The following CLUH variants were observed in gnomAD, a reference collection of about 807,000 sequenced individuals.
The protein encoded by CLUH is CLUH binding protein of NUMT mRNA.
In CLUH, 77 loss-of-function variants were observed where a neutral mutation model predicts 139.3. The observed-to-expected ratio is 0.55, with a 90% CI of 0.46 to 0.67. The LOEUF (loss-of-function observed/expected upper bound fraction) is 0.67, where lower values mean the gene tolerates loss of function less well. Among genes scored for constraint, CLUH ranks in the 30% least tolerant of loss-of-function variants. CLUH has a pLI of 0.00. For synonymous variants in CLUH, 999 were observed against 801.6 expected, an observed-to-expected ratio of 1.25 and a Z score of -4.16; for missense variants, 1,876 against 1,875.8, an observed-to-expected ratio of 1.00 and a Z score of 0.00.
chr17:2,699,780 C>T (rs1200856620), intron 9 of CLUH, among the ~76,000 whole-genome samples: 3 of 152,098 alleles, frequency 2.0e-5, no homozygotes, highest in East Asian at 3.9e-4. Context: ...TACAGGCATG[C>T]GCCACCACAC....
chr17:2,695,700 CCAAG>C (rs1230745609), intron 13 of CLUH, 174 bp from the exon 14 acceptor site: 1 of 861,930 alleles, frequency 1.2e-6, no homozygotes, highest in Non-Finnish European at 1.7e-6. Flanking sequence ...AGGCCAAGAA[CCAAG>C]AGCCCGGTGG....
rs1276581344 is a variant in CLUH at position 2,704,990 on chromosome 17, T to C, written c.101-426A>G. 6.6e-6 allele frequency among the ~76,000 whole-genome samples: 1 copy of C among 152,138 alleles called. No individual in the cohort carries two copies. Among genetic ancestry groups the C allele is most frequent in the African/African-American group, 2.4e-5 (1 of 41,432 alleles). On this transcript the variant is annotated intron_variant, in intron 1 of 25. Coordinates refer to ENST00000651024, the MANE Select transcript of CLUH (RefSeq NM_001366661.1). The surrounding 1 kb of genome is among the most constrained non-coding windows in gnomAD (Gnocchi z 5.7). ...TTCCATCCCTCCTGAGCTGTGGTCCTGGGCTGCAGGGGGGCTGCAGGGGAG... is the reference window on the plus strand; with the variant it reads ...TTCCATCCCTCCTGAGCTGTGGTCCCGGGCTGCAGGGGGGCTGCAGGGGAG...
In CLUH at chr17:2,704,095, A is replaced by G. The variant is rs1248387378; in HGVS notation, c.303+267T>C. ...AGAGGCTGGGGAGTCCTGGGATGCC[A>G]ACACTTCCCAGCCACTATCACTCCC... is the stretch of plus-strand genomic sequence containing the variant. On this transcript the variant is annotated intron_variant, in intron 2 of 25. Transcript: ENST00000651024. This position sits in a 1 kb window ranked among gnomAD's most constrained non-coding sequence, Gnocchi z 5.7. 6.6e-6 allele frequency among the ~76,000 whole-genome samples: 1 copy of G among 152,070 alleles called. No homozygotes were observed. The highest frequency in any genetic ancestry group is 1.5e-5 in the Non-Finnish European group (1 of 67,988).
At position 2,704,000 on chromosome 17, in the gene CLUH, C is replaced by T. The variant is rs931236336; in HGVS notation, c.303+362G>A. ...CTCTGCCCTTGGAGATAACCCAATA[C>T]TACCCTCCCCTCTGGCAGATGGTAA... On this transcript the variant is annotated intron_variant, in intron 2 of 25. Coordinates refer to ENST00000651024, the MANE Select transcript of CLUH (RefSeq NM_001366661.1). The surrounding 1 kb of genome is among the most constrained non-coding windows in gnomAD (Gnocchi z 4.2). Among the ~76,000 whole-genome samples, 2 of 152,310 alleles carry T rather than the reference C, an allele frequency of 1.3e-5. No homozygotes were observed. Among genetic ancestry groups the T allele is most frequent in the East Asian group, 3.9e-4 (2 of 5,182 alleles).
intron 1 of CLUH, among the ~76,000 whole-genome samples, chr17:2,709,281 A>ACCCGT (rs1158265895): frequency 2.0e-5 from 3 of 152,144 alleles, no homozygotes; most frequent in African/African-American, 4.8e-5. Context: ...AAGGTGCATC[A>ACCCGT]CCCGTCCCGG....
chr17:2,700,157 C>G (rs2070121502), intron 9 of CLUH, among the ~76,000 whole-genome samples: 1 of 152,236 alleles, frequency 6.6e-6, no homozygotes, highest in Non-Finnish European at 1.5e-5. Flanking sequence ...AGGGCCCGCT[C>G]CTTCCAGGGA....
rs1419055661 is a variant in CLUH, at chr17:2,692,444, G to A, written c.3477C>T (p.Tyr1159=). The change falls in exon 22 of 26, where the codon TAC becomes TAT. Residue 1159 remains tyrosine, a synonymous_variant. Transcript: ENST00000651024. The part of the protein sequence containing the change: ...IGLVLHGVME[Y]DLSLRFLENA... ...TCTCCAGGAAGCGCAGCGACAGGTC[G>A]TACTCCATCACCCCGTGCAGCACCA... The A allele has an allele frequency of 7.5e-6, 12 of 1,600,392 alleles. No individual in the cohort carries two copies. Among genetic ancestry groups the A allele is most frequent in the Admixed American group, 3.3e-5 (2 of 59,970 alleles).
At chr17:2,694,635 C>T in intron 16 of CLUH, 71 bp from the exon 17 acceptor site, 4 of 1,426,822 alleles carry the variant, frequency 2.8e-6, no homozygotes, top group Non-Finnish European at 3.8e-6. Context: ...CCACCCAGCT[C>T]CCCAACGCTG....
chr17:2,696,126 A>T (rs1673682441), intron 13 of CLUH, 33 bp downstream of exon 13: 1 of 1,507,782 alleles, frequency 6.6e-7, no homozygotes, highest in Admixed American at 2.0e-5. Flanking sequence ...CCCTCCACAC[A>T]AGCCCCACCC....
chr17:2,699,034 G>A (rs1303632094), intron 9 of CLUH, among the ~76,000 whole-genome samples: 1 of 152,058 alleles, frequency 6.6e-6, no homozygotes. Context: ...GGGACAGAGT[G>A]AGACTCCATT....
rs78299222 is a variant in CLUH, at chr17:2,708,865, G to C, written c.100+2697C>G. Among the ~76,000 whole-genome samples the C allele has an allele frequency of 1.5e-3, 120 of 77,646 alleles. 1 individual carries two copies. The Middle Eastern group carries it at 0.026, about 17-fold the overall frequency. 50.9% of individuals were successfully genotyped at this position (77,646 alleles called of 152,430 possible). On this transcript the variant is annotated intron_variant, in intron 1 of 25. Transcript: ENST00000651024. Reference sequence around the variant, plus strand: ...TCCAGGCCTCAGCCTCTACTCGGGGGGGGGGGAGCAGAACTATCCCAGTCA... The same window carrying C: ...TCCAGGCCTCAGCCTCTACTCGGGGCGGGGGGAGCAGAACTATCCCAGTCA...
Position 2,690,655 on chromosome 17 carries a change from G to A in CLUH, c.3986C>T (p.Pro1329Leu), listed in dbSNP as rs1161019212. 4.5e-6 allele frequency: 7 copies of A among 1,540,204 alleles called. No individual in the cohort carries two copies. The highest frequency in any genetic ancestry group is 6.1e-6 in the Non-Finnish European group (7 of 1,150,050). Residue 1329 changes from proline to leucine, a missense_variant, in exon 26 of 26, where the codon CCA becomes CTA. Pro to Leu is a moderately conservative substitution (Grantham distance 98). Coordinates refer to ENST00000651024, the MANE Select transcript of CLUH (RefSeq NM_001366661.1). ...CGGGGGCTGGGAGCCCAGGTCTCCT[G>A]GGGCCCCCGCTGGCGCGGGCTCGGT... ...MATEPAPAGA[P>L]GDLGSQPPAA...
chr17:2,690,176 T>C lies in CLUH; in HGVS notation c.*418A>G, dbSNP rs892107584. ...GCAGCCATCATGTCGACCATACAAA[T>C]GACCTGAGAAATCCCGTCTGCGCGT... On this transcript the variant is annotated 3_prime_UTR_variant, in exon 26 of 26. Coordinates refer to ENST00000651024, the MANE Select transcript of CLUH (RefSeq NM_001366661.1). The C allele has an allele frequency of 2.9e-5, 5 of 172,252 alleles. No individual in the cohort carries two copies. The highest frequency in any genetic ancestry group is 4.9e-5 in the Non-Finnish European group (4 of 81,868). The allele number at this position is 172,252 out of a possible 1,614,324, so 10.7% of individuals were successfully genotyped here. A position where few individuals can be genotyped will look rare whatever the true frequency, so the allele number is the denominator to read the frequency against.
intron 1 of CLUH, among the ~76,000 whole-genome samples, chr17:2,710,189 G>A (rs1597632346): frequency 6.6e-6 from 1 of 152,166 alleles, no homozygotes; most frequent in African/African-American, 2.4e-5. Context: ...AAGTCACTTC[G>A]ACTCTTCGGG....
In CLUH at chr17:2,695,259, T is replaced by C; in HGVS notation, c.2566A>G (p.Ile856Val). ...AAGATGTGCTTGGCCGAGCGGGTGATGAGTTCTCCAATGCCGATTTTCTGG... is the reference window on the plus strand; with the variant it reads ...AAGATGTGCTTGGCCGAGCGGGTGACGAGTTCTCCAATGCCGATTTTCTGG... ...HVFKIGIGEL[I>V]TRSAKHIFKT... The change falls in exon 15 of 26, where the codon ATC (isoleucine) becomes GTC (valine). Residue 856 changes from isoleucine to valine, a missense_variant. By Grantham distance (29) the Ile-to-Val change is conservative. Coordinates refer to ENST00000651024, the MANE Select transcript of CLUH (RefSeq NM_001366661.1). 3 of 1,613,260 alleles carry C rather than the reference T, an allele frequency of 1.9e-6. No homozygotes were observed. The highest frequency in any genetic ancestry group is 2.5e-6 in the Non-Finnish European group (3 of 1,179,316).
chr17:2,694,288 C>T lies in CLUH; in HGVS notation c.2938-12G>A, dbSNP rs115326538. 3.1e-3 allele frequency: 4,942 copies of T among 1,569,636 alleles called. 75 individuals are homozygous for T. The African/African-American group carries it at 0.038, about 12-fold the overall frequency. On this transcript the variant is annotated splice_polypyrimidine_tract_variant and intron_variant, in intron 17 of 25. Coordinates refer to ENST00000651024, the MANE Select transcript of CLUH (RefSeq NM_001366661.1). ...TCCTTCAGCAGGACCTGGGGGGCAG[C>T]CCCCCCACCACAGGAAGCCTCAGGC... is the stretch of plus-strand genomic sequence containing the variant.
Position 2,704,419 on chromosome 17 carries a change from C to G in CLUH, c.246G>C (p.Gln82His), listed in dbSNP as rs760307515. Residue 82 changes from glutamine to histidine, a missense_variant, in exon 2 of 26, where the codon CAG (glutamine) becomes CAC (histidine). By Grantham distance (24) the Gln-to-His change is conservative. Around this residue, in one of 3 missense-constraint regions of CLUH, gnomAD observed 152 missense variants for 136.7 expected, o/e 1.11. Transcript: ENST00000651024. The surrounding 1 kb of genome is among the most constrained non-coding windows in gnomAD (Gnocchi z 5.7). ...GGATCTTCACAGAAAAGCCCGTGTCCTGAATGACAATGACTTCCTGGCCGG... is the reference window on the plus strand; with the variant it reads ...GGATCTTCACAGAAAAGCCCGTGTCGTGAATGACAATGACTTCCTGGCCGG... Reference protein sequence around the residue: ...ETTGQEVIVIQDTGFSVKILA... With the variant: ...ETTGQEVIVIHDTGFSVKILA... 1 of 1,611,050 alleles carries G rather than the reference C, an allele frequency of 6.2e-7. No homozygotes were observed. Among genetic ancestry groups the G allele is most frequent in the East Asian group, 2.2e-5 (1 of 44,690 alleles).
chr17:2,695,558 A>G, intron 13 of CLUH, 32 bp from the exon 14 acceptor site: 5 of 1,553,808 alleles, frequency 3.2e-6, no homozygotes, highest in Non-Finnish European at 4.3e-6. Context: ...GCCCCCACCC[A>G]GCTCCTCTGC....
chr17:2,691,997 C>CCCCCGCCCCCGCCCCCGCT lies in CLUH; in HGVS notation c.3654+6_3654+7insAGCGGGGGCGGGGGCGGGG. ...GCCCCCGCCCCCGCCACGCCCCCGC[C>CCCCCGCCCCCGCCCCCGCT]GCGCACCTGCGTCTTGTAGATGGTG... is the stretch of plus-strand genomic sequence containing the variant. On this transcript the variant is annotated splice_region_variant and intron_variant, in intron 23 of 25. Transcript: ENST00000651024. 7.5e-7 allele frequency: 1 copy of CCCCCGCCCCCGCCCCCGCT among 1,329,188 alleles called. No homozygotes were observed. Among genetic ancestry groups the CCCCCGCCCCCGCCCCCGCT allele is most frequent in the Non-Finnish European group, 9.9e-7 (1 of 1,007,928 alleles). 82.3% of individuals were successfully genotyped at this position (1,329,188 alleles called of 1,614,324 possible).
Sources: allele counts gnomAD v4.1 joint callset (sites outside exome capture counted in the v4.1 genomes callset), GRCh38; gene constraint gnomAD v4.1.1; regional missense constraint gnomAD v4.1.1; non-coding constraint Gnocchi (gnomAD v3.1); transcripts MANE v1.5; gene names NCBI Gene and HGNC (gene_info 2026-07-23, HGNC 2026-07-21).